PAPPA: variants seen among roughly 807,000 people sequenced by gnomAD.
PAPPA encodes the protein pappalysin-1.
A neutral mutation model predicts 164.0 loss-of-function variants in PAPPA; 60 were observed. The ratio of observed to expected loss-of-function variants is 0.37; its 90% confidence interval spans 0.30 to 0.45. The LOEUF (loss-of-function observed/expected upper bound fraction) is 0.45, where lower values mean the gene tolerates loss of function less well. Ranked by LOEUF, PAPPA falls within the 20% of genes least tolerant of loss-of-function variation. PAPPA has a pLI of 1.00. For missense variants in PAPPA, 1,782 were observed against 2,087.3 expected (o/e 0.85, Z 2.85); for synonymous variants, 875 against 814.1 (o/e 1.07, Z -1.27).
chr9:116,338,269 T>G (rs1199375354), intron 13 of PAPPA, among the ~76,000 whole-genome samples: 14 of 152,200 alleles, frequency 9.2e-5, no homozygotes, highest in Admixed American at 9.2e-4. Flanking sequence ...GCTTTCTTCC[T>G]TTATCTCAAA....
intron 1 of PAPPA, among the ~76,000 whole-genome samples, chr9:116,172,132 T>C (rs1473687037): frequency 2.0e-5 from 3 of 152,148 alleles, no homozygotes; most frequent in African/African-American, 7.2e-5. Flanking sequence ...ACCATGACCC[T>C]CTGAGGTGGG....
chr9:116,269,112 C>T (rs1328023569), intron 8 of PAPPA, among the ~76,000 whole-genome samples: 1 of 152,176 alleles, frequency 6.6e-6, no homozygotes, highest in African/African-American at 2.4e-5. Flanking sequence ...TATTTATACA[C>T]ACTTCTTGAG....
intron 15 of PAPPA, among the ~76,000 whole-genome samples, chr9:116,352,445 G>A (rs1846295092): frequency 6.6e-6 from 1 of 152,204 alleles, no homozygotes; most frequent in African/African-American, 2.4e-5. Flanking sequence ...CAGCAGAAGA[G>A]GCTCAGGATC....
chr9:116,396,746 C>G lies in PAPPA; in HGVS notation c.*130C>G, dbSNP rs961058903. ...GATCCTTAGCACCCAACCGGTCTGC[C>G]TTTAATTTTACCCAGGAAGGACTCA... On this transcript the variant is annotated 3_prime_UTR_variant, in exon 22 of 22. Coordinates refer to ENST00000328252, the MANE Select transcript of PAPPA (RefSeq NM_002581.5). 24 of 625,066 alleles carry G rather than the reference C, an allele frequency of 3.8e-5. No homozygotes were observed. 38.7% of individuals were successfully genotyped at this position (625,066 alleles called of 1,614,324 possible).
At chr9:116,380,239 T>C (rs1295381674) in intron 20 of PAPPA, among the ~76,000 whole-genome samples, 4 of 152,146 alleles carry the variant, frequency 2.6e-5, no homozygotes, top group African/African-American at 9.6e-5. Context: ...TTCCTTAGCA[T>C]AATGTGTAAC....
intron 9 of PAPPA, among the ~76,000 whole-genome samples, chr9:116,289,389 T>TGGCATATATATGGC (rs1587989241): frequency 7.0e-6 from 1 of 141,986 alleles, no homozygotes; most frequent in African/African-American, 2.6e-5. Context: ...AGCATATGTA[T>TGGCATATATATGGC]ATATAGCTAT....
At position 116,347,277 on chromosome 9, in the gene PAPPA, C is replaced by A; in HGVS notation, c.3964+68C>A. On this transcript the variant is annotated intron_variant, in intron 15 of 21. Transcript: ENST00000328252. The surrounding 1 kb of genome is among the most constrained non-coding windows in gnomAD (Gnocchi z 4.5). ...GGGAAACCTAGAAGCTGCATCCAGG[C>A]CCTCTTTCTGGGTCTCAAACACCAA... 1 of 1,411,396 alleles carries A rather than the reference C, an allele frequency of 7.1e-7. No individual in the cohort carries two copies. Among genetic ancestry groups the A allele is most frequent in the Non-Finnish European group, 9.7e-7 (1 of 1,036,052 alleles). 87.4% of individuals were successfully genotyped at this position (1,411,396 alleles called of 1,614,324 possible). A position where few individuals can be genotyped will look rare whatever the true frequency, so the allele number is the denominator to read the frequency against.
intron 9 of PAPPA, among the ~76,000 whole-genome samples, chr9:116,285,400 C>T (rs1236555471): frequency 6.6e-6 from 1 of 152,034 alleles, no homozygotes; most frequent in African/African-American, 2.4e-5. Flanking sequence ...ATCTCTTGAC[C>T]TTGTGTCCTG....
chr9:116,298,058 T>C (rs1845530705), intron 9 of PAPPA, among the ~76,000 whole-genome samples: 2 of 152,226 alleles, frequency 1.3e-5, no homozygotes, highest in South Asian at 4.1e-4. Context: ...CTCTTAACAA[T>C]AGCTCTAACC....
At chr9:116,319,175 G>T (rs968269521) in intron 10 of PAPPA, among the ~76,000 whole-genome samples, 15 of 152,230 alleles carry the variant, frequency 9.9e-5, no homozygotes, top group Non-Finnish European at 2.1e-4. Context: ...AGGGAGACAG[G>T]GAGCAGGCCT....
intron 10 of PAPPA, among the ~76,000 whole-genome samples, chr9:116,328,191 C>T (rs973690427): frequency 3.9e-5 from 6 of 152,100 alleles, no homozygotes; most frequent in South Asian, 2.1e-4. Flanking sequence ...AGACAGGCAG[C>T]TAAGAACACA....
intron 7 of PAPPA, among the ~76,000 whole-genome samples, chr9:116,244,906 A>G (rs1248635956): frequency 6.6e-6 from 1 of 152,184 alleles, no homozygotes; most frequent in Admixed American, 6.5e-5. Flanking sequence ...TATGGAATCA[A>G]CCTAAGCATC....
At chr9:116,223,431 A>G (rs1021985644) in intron 5 of PAPPA, among the ~76,000 whole-genome samples, 1 of 152,182 alleles carries the variant, frequency 6.6e-6, no homozygotes, top group African/African-American at 2.4e-5. Context: ...TTTGAGGGTT[A>G]ATTGTTGTGT....
intron 21 of PAPPA, among the ~76,000 whole-genome samples, chr9:116,386,111 TAG>T (rs1846807731): frequency 6.6e-6 from 1 of 152,158 alleles, no homozygotes; most frequent in South Asian, 2.1e-4. Context: ...AAGTATGGAT[TAG>T]AGAGACTAAG....
At chr9:116,384,734 C>T (rs997526714) in intron 21 of PAPPA, among the ~76,000 whole-genome samples, 3 of 152,086 alleles carry the variant, frequency 2.0e-5, no homozygotes, top group African/African-American at 7.2e-5. Context: ...ATTTAAGGCT[C>T]CTGATACCTG....
intron 2 of PAPPA, among the ~76,000 whole-genome samples, chr9:116,202,127 G>C (rs943670761): frequency 1.3e-5 from 2 of 152,174 alleles, no homozygotes; most frequent in African/African-American, 4.8e-5. Flanking sequence ...ATTGAAACGG[G>C]AAGGCCAGTG....
At chr9:116,227,688 T>G in intron 6 of PAPPA, 136 bp downstream of exon 6, 1 of 939,854 alleles carries the variant, frequency 1.1e-6, no homozygotes, top group Non-Finnish European at 1.5e-6. Context: ...CCTGCAAGGT[T>G]AGTAGTCAAG....
intron 9 of PAPPA, chr9:116,287,233 A>G (rs2118855539): frequency 6.6e-6 from 1 of 152,340 alleles, no homozygotes; most frequent in East Asian, 1.9e-4. Context: ...CAGCATGGAG[A>G]AAGTCATCCA....
intron 18 of PAPPA, among the ~76,000 whole-genome samples, chr9:116,366,985 G>A (rs539823436): frequency 2.6e-5 from 4 of 152,214 alleles, no homozygotes; most frequent in South Asian, 2.1e-4. Flanking sequence ...TCATTCACTC[G>A]GCCAGTGCTC....
Sources: gnomAD v4.1 joint callset for allele counts (sites outside exome capture counted in the v4.1 genomes callset) on GRCh38, gnomAD v4.1.1 for gene constraint, Gnocchi (gnomAD v3.1) non-coding constraint, MANE v1.5 for transcripts, NCBI Gene and HGNC (gene_info 2026-07-23, HGNC 2026-07-21) for gene names.